DHX9: variants seen among roughly 807,000 people sequenced by gnomAD.
The protein encoded by DHX9 is ATP-dependent RNA helicase A.
Under a neutral mutation model 148.7 loss-of-function variants are expected in DHX9, and 27 were observed. The ratio of observed to expected loss-of-function variants is 0.18; its 90% confidence interval spans 0.13 to 0.25. The LOEUF is 0.25. Among genes scored for constraint, DHX9 ranks in the 10% least tolerant of loss-of-function variants. The pLI, the probability that DHX9 is intolerant of heterozygous loss-of-function variation, is 1.00. For missense variants in DHX9, 796 were observed against 1,559.6 expected (o/e 0.51, Z 8.25); for synonymous variants, 529 against 516.6 (o/e 1.02, Z -0.33).
chr1:182,842,808 C>G (rs1667955975), intron 2 of DHX9, 131 bp downstream of exon 2: 1 of 595,930 alleles, frequency 1.7e-6, no homozygotes, highest in Non-Finnish European at 2.8e-6. Flanking sequence ...TGTGACTTGA[C>G]TGCTATTGTA....
chr1:182,858,368 A>T (rs1032423464), intron 8 of DHX9, 128 bp downstream of exon 8: 5 of 1,187,912 alleles, frequency 4.2e-6, no homozygotes, highest in African/African-American at 1.5e-5. Flanking sequence ...CCTGCTAATC[A>T]TCTCTGTGTC....
chr1:182,870,679 C>T (rs1173234495), intron 14 of DHX9, among the ~76,000 whole-genome samples: 2 of 152,120 alleles, frequency 1.3e-5, no homozygotes, highest in East Asian at 3.8e-4. Flanking sequence ...CGTGTTGACA[C>T]ATGAAAGAGT....
chr1:182,877,759 A>G (rs777272057), intron 19 of DHX9: 9 of 382,392 alleles, frequency 2.4e-5, no homozygotes, highest in Non-Finnish European at 3.8e-5. Flanking sequence ...CAAAAAAACT[A>G]TAAGGTAGAT....
At chr1:182,875,507 G>A (rs1457563561) in intron 16 of DHX9, among the ~76,000 whole-genome samples, 1 of 152,200 alleles carries the variant, frequency 6.6e-6, no homozygotes, top group Non-Finnish European at 1.5e-5. Context: ...GGAAAGAAAA[G>A]ACTTTGTAGT....
chr1:182,856,885 T>C (rs1254464140), intron 7 of DHX9, among the ~76,000 whole-genome samples: 1 of 152,206 alleles, frequency 6.6e-6, no homozygotes, highest in Non-Finnish European at 1.5e-5. Context: ...AGTCTTGCTC[T>C]GTCGCCCAGG....
chr1:182,850,217 G>A (rs1344347232), intron 3 of DHX9, among the ~76,000 whole-genome samples: 1 of 151,990 alleles, frequency 6.6e-6, no homozygotes, highest in Non-Finnish European at 1.5e-5. Context: ...TCAGATACTT[G>A]TGTCTTTTTG....
In DHX9 at chr1:182,870,706, T is replaced by C. The variant is rs12063127; in HGVS notation, c.1558-1631T>C. 8.5e-4 allele frequency among the ~76,000 whole-genome samples: 130 copies of C among 152,252 alleles called. 1 individual carries two copies. Among genetic ancestry groups the C allele is most frequent in the African/African-American group, 2.9e-3 (121 of 41,552 alleles). Reference sequence around the variant, plus strand: ...TGAAAGAGTTTTTCATACACTGAAGTAGAAAATATAAAAATATAAATAAGC... The same window carrying C: ...TGAAAGAGTTTTTCATACACTGAAGCAGAAAATATAAAAATATAAATAAGC... On this transcript the variant is annotated intron_variant, in intron 14 of 27. Coordinates refer to ENST00000367549, the MANE Select transcript of DHX9 (RefSeq NM_001357.5).
intron 14 of DHX9, among the ~76,000 whole-genome samples, chr1:182,871,231 A>C (rs1017152549): frequency 6.6e-6 from 1 of 152,222 alleles, no homozygotes; most frequent in African/African-American, 2.4e-5. Flanking sequence ...ATGATCAAAA[A>C]TACAGGCATT....
At position 182,856,521 on chromosome 1, in the gene DHX9, T is replaced by C. The variant is rs772498919; in HGVS notation, c.627-11T>C. On this transcript the variant is annotated splice_polypyrimidine_tract_variant and intron_variant, in intron 6 of 27. Coordinates refer to ENST00000367549, the MANE Select transcript of DHX9 (RefSeq NM_001357.5). ...TGAAATTTCTAACCTTGCTTGTATA[T>C]GTTGTTACAGGAGCTTTATTGCAGA... 3 of 1,613,482 alleles carry C rather than the reference T, an allele frequency of 1.9e-6. No homozygotes were observed. The highest frequency in any genetic ancestry group is 2.5e-6 in the Non-Finnish European group (3 of 1,179,514).
chr1:182,877,039 G>A (rs1648834464), intron 19 of DHX9, 136 bp downstream of exon 19: 2 of 542,006 alleles, frequency 3.7e-6, no homozygotes, highest in Admixed American at 3.6e-5. Context: ...CATCTATATA[G>A]CATTATAGGT....
intron 16 of DHX9, 38 bp from the exon 17 acceptor site, chr1:182,876,012 T>C: frequency 6.4e-7 from 1 of 1,554,464 alleles, no homozygotes; most frequent in Non-Finnish European, 8.9e-7. Context: ...CATGAGTAAC[T>C]GAGACAATCC....
intron 12 of DHX9, among the ~76,000 whole-genome samples, chr1:182,861,106 A>G (rs1329438445): frequency 6.6e-6 from 1 of 152,248 alleles, no homozygotes; most frequent in African/African-American, 2.4e-5. Context: ...CATTTCTGAA[A>G]TTGAGATACA....
intron 19 of DHX9, 55 bp downstream of exon 19, chr1:182,876,958 T>C: frequency 3.8e-6 from 5 of 1,316,502 alleles, no homozygotes; most frequent in Non-Finnish European, 5.4e-6. Flanking sequence ...TGGAAACTTC[T>C]TACCAGTTAA....
At chr1:182,855,901 G>C (rs559642558) in intron 6 of DHX9, among the ~76,000 whole-genome samples, 1 of 152,272 alleles carries the variant, frequency 6.6e-6, no homozygotes, top group Admixed American at 6.5e-5. Flanking sequence ...GACTCTGCTA[G>C]CAGTTTTAGA....
chr1:182,877,082 C>T (rs563112968), intron 19 of DHX9, 179 bp downstream of exon 19: 18 of 495,234 alleles, frequency 3.6e-5, no homozygotes, highest in Middle Eastern at 5.3e-4. Flanking sequence ...TTGTTGATTA[C>T]TGCAAATCAG....
At chr1:182,865,140 A>G (rs1648236019) in intron 12 of DHX9, among the ~76,000 whole-genome samples, 1 of 152,246 alleles carries the variant, frequency 6.6e-6, no homozygotes, top group South Asian at 2.1e-4. Context: ...GTTGTAGAAT[A>G]CAAGCAACTT....
At chr1:182,881,091 TC>T (rs1649065740) in intron 22 of DHX9, among the ~76,000 whole-genome samples, 172 bp from the exon 23 acceptor site, 1 of 152,244 alleles carries the variant, frequency 6.6e-6, no homozygotes, top group South Asian at 2.1e-4. Flanking sequence ...AGCATTTTTT[TC>T]TTTCTGATTC....
At chr1:182,845,133 T>G (rs1009235284) in intron 3 of DHX9, among the ~76,000 whole-genome samples, 3 of 152,250 alleles carry the variant, frequency 2.0e-5, no homozygotes, top group Non-Finnish European at 4.4e-5. Context: ...TATAGTATCT[T>G]ACAGTCTTTA....
intron 7 of DHX9, among the ~76,000 whole-genome samples, chr1:182,857,338 A>G (rs2102599472): frequency 6.6e-6 from 1 of 152,326 alleles, no homozygotes; most frequent in East Asian, 1.9e-4. Context: ...GATGAATGAT[A>G]CAGGAGGAGA....
Sources: allele counts gnomAD v4.1 joint callset (sites outside exome capture counted in the v4.1 genomes callset), GRCh38; gene constraint gnomAD v4.1.1; transcripts MANE v1.5; gene names NCBI Gene and HGNC (gene_info 2026-07-23, HGNC 2026-07-21).